MSR1: variants seen among roughly 807,000 people sequenced by gnomAD.
The protein encoded by MSR1 is macrophage scavenger receptor 1.
MSR1 carries 53 observed loss-of-function variants against 47.2 expected under a neutral mutation model. The ratio of observed to expected loss-of-function variants is 1.12; its 90% confidence interval spans 0.90 to 1.41. The LOEUF is 1.41. MSR1 is among the 40% of genes most tolerant of loss of function. The pLI is 0.00. For missense variants in MSR1, 786 were observed against 546.9 expected (o/e 1.44, Z -4.36); for synonymous variants, 239 against 185.6 (o/e 1.29, Z -2.34).
intron 1 of MSR1, among the ~76,000 whole-genome samples, chr8:16,190,470 A>C (rs369046165): frequency 2.0e-5 from 3 of 151,944 alleles, no homozygotes; most frequent in Non-Finnish European, 4.4e-5. Flanking sequence ...AGTGGTTTTC[A>C]TTTTTATTTT....
intron 9 of MSR1, among the ~76,000 whole-genome samples, chr8:16,120,199 A>T (rs1212151171): frequency 1.3e-5 from 2 of 151,842 alleles, no homozygotes; most frequent in African/African-American, 2.4e-5. Context: ...AACACGGTGA[A>T]ACCCCATCTC....
At chr8:16,178,323 C>A (rs905317316) in intron 1 of MSR1, among the ~76,000 whole-genome samples, 1 of 144,518 alleles carries the variant, frequency 6.9e-6, no homozygotes, top group Non-Finnish European at 1.5e-5. Context: ...TCTCATTGTT[C>A]AATTTCCACC....
chr8:16,123,381 G>C (rs12114884), intron 8 of MSR1, among the ~76,000 whole-genome samples: 44 of 152,230 alleles, frequency 2.9e-4, no homozygotes, highest in African/African-American at 2.6e-4. Context: ...AGTTCATTTT[G>C]TCATCAACCT....
chr8:16,175,238 G>C lies in MSR1; in HGVS notation c.166C>G (p.Leu56Val). 6.2e-7 allele frequency: 1 copy of C among 1,614,104 alleles called. No individual in the cohort carries two copies. The highest frequency in any genetic ancestry group is 8.5e-7 in the Non-Finnish European group (1 of 1,180,006). ...LKSFKAALIA[L>V]YLLVFAVLIP... Reference sequence around the variant, plus strand: ...AGAACTGCAAACACGAGGAGGTAAAGGGCAATCAGTGCAGCTTTGAAGGAC... The same window carrying C: ...AGAACTGCAAACACGAGGAGGTAAACGGCAATCAGTGCAGCTTTGAAGGAC... Residue 56 changes from leucine (L) to valine (V), a missense_variant, in exon 3 of 10, where the codon CTT becomes GTT. By Grantham distance (32) the Leu-to-Val change is conservative. Transcript: ENST00000262101.
chr8:16,147,465 T>A (rs1005432878), intron 7 of MSR1, among the ~76,000 whole-genome samples: 1 of 152,134 alleles, frequency 6.6e-6, no homozygotes, highest in Non-Finnish European at 1.5e-5. Flanking sequence ...CAGAATCTGA[T>A]AATGTTTTTG....
intron 2 of MSR1, among the ~76,000 whole-genome samples, chr8:16,177,677 C>A (rs1386225490): frequency 6.6e-6 from 1 of 152,066 alleles, no homozygotes; most frequent in Non-Finnish European, 1.5e-5. Context: ...AAGGCTCAAT[C>A]AATGTTGTAG....
intron 8 of MSR1, among the ~76,000 whole-genome samples, chr8:16,132,575 C>A (rs1171245163): frequency 6.6e-6 from 1 of 152,052 alleles, no homozygotes; most frequent in East Asian, 1.9e-4. Flanking sequence ...GCAACCCCTG[C>A]CTCCCAGGTT....
chr8:16,118,497 G>T (rs550336957), intron 9 of MSR1, among the ~76,000 whole-genome samples: 7 of 152,178 alleles, frequency 4.6e-5, no homozygotes, highest in Non-Finnish European at 8.8e-5. Flanking sequence ...CAGCACTTTG[G>T]GAAGCCAAAA....
At chr8:16,140,326 G>T (rs1452703927) in intron 8 of MSR1, 2 of 984,532 alleles carry the variant, frequency 2.0e-6, no homozygotes, top group Non-Finnish European at 2.4e-6. Context: ...TCTTTACTTT[G>T]ATCAAAAATG....
intron 5 of MSR1, among the ~76,000 whole-genome samples, chr8:16,160,986 G>A (rs1030796273): frequency 9.3e-5 from 14 of 150,494 alleles, no homozygotes; most frequent in Admixed American, 4.0e-4. Context: ...AGTGTAAAGA[G>A]AGAAACCACA....
intron 8 of MSR1, among the ~76,000 whole-genome samples, chr8:16,137,398 A>G (rs993207793): frequency 6.6e-6 from 1 of 152,082 alleles, no homozygotes; most frequent in Admixed American, 6.6e-5. Flanking sequence ...TAGAAAACCA[A>G]ACTGCTCATT....
chr8:16,156,389 G>C (rs1377914367), intron 5 of MSR1, among the ~76,000 whole-genome samples: 3 of 151,790 alleles, frequency 2.0e-5, no homozygotes, highest in Admixed American at 1.3e-4. Flanking sequence ...TCATGAATAA[G>C]TATATTTTGT....
At chr8:16,143,996 C>A (rs867465595) in intron 7 of MSR1, among the ~76,000 whole-genome samples, 9 of 152,048 alleles carry the variant, frequency 5.9e-5, no homozygotes, top group Admixed American at 1.3e-4. Flanking sequence ...ATTCACATTA[C>A]ATTTATGGTT....
At chr8:16,171,617 T>C (rs1011507082) in intron 3 of MSR1, among the ~76,000 whole-genome samples, 2 of 152,176 alleles carry the variant, frequency 1.3e-5, no homozygotes, top group African/African-American at 4.8e-5. Flanking sequence ...ATGTGGAAAG[T>C]ATTGCTTGAG....
chr8:16,165,873 A>G (rs543059853), intron 4 of MSR1, among the ~76,000 whole-genome samples: 1 of 152,218 alleles, frequency 6.6e-6, no homozygotes, highest in East Asian at 1.9e-4. Flanking sequence ...CTTATTCTAG[A>G]TTAGAATTTC....
chr8:16,134,227 T>C (rs1473198797), intron 8 of MSR1, among the ~76,000 whole-genome samples: 1 of 152,192 alleles, frequency 6.6e-6, no homozygotes, highest in African/African-American at 2.4e-5. Context: ...GTGGCTCTGA[T>C]AGGGGCTCTT....
intron 5 of MSR1, among the ~76,000 whole-genome samples, chr8:16,155,902 T>A (rs932086216): frequency 3.3e-5 from 5 of 151,870 alleles, no homozygotes; most frequent in African/African-American, 4.8e-5. Flanking sequence ...TTTGGTCTCA[T>A]CATTTTTTTT....
chr8:16,167,948 C>A (rs1801362787), intron 4 of MSR1, among the ~76,000 whole-genome samples: 2 of 152,102 alleles, frequency 1.3e-5, no homozygotes, highest in Non-Finnish European at 2.9e-5. Context: ...AACGGAATAT[C>A]AACATGTTGG....
At chr8:16,153,816 A>G (rs548750198) in intron 6 of MSR1, among the ~76,000 whole-genome samples, 1 of 152,102 alleles carries the variant, frequency 6.6e-6, no homozygotes, top group South Asian at 2.1e-4. Flanking sequence ...CTGGCAGCAG[A>G]TTTAATACTG....
Sources: gnomAD v4.1 joint callset for allele counts (sites outside exome capture counted in the v4.1 genomes callset) on GRCh38, gnomAD v4.1.1 for gene constraint, MANE v1.5 for transcripts, NCBI Gene and HGNC (gene_info 2026-07-23, HGNC 2026-07-21) for gene names.